PCDHA3: variants seen among roughly 807,000 people sequenced by gnomAD.
The protein encoded by PCDHA3 is protocadherin alpha-3.
Under a neutral mutation model 62.2 loss-of-function variants are expected in PCDHA3, and 41 were observed. The ratio of observed to expected loss-of-function variants is 0.66; its 90% CI spans 0.51 to 0.86. The LOEUF (loss-of-function observed/expected upper bound fraction) is 0.86, where lower values mean the gene tolerates loss of function less well. PCDHA3 is among the 40% of genes least tolerant of loss of function. The pLI, the probability that PCDHA3 is intolerant of heterozygous loss-of-function variation, is 0.00. For missense variants in PCDHA3, 1,304 were observed against 1,241.2 expected (o/e 1.05, Z -0.76); for synonymous variants, 640 against 555.4 (o/e 1.15, Z -2.14).
At position 140,943,102 on chromosome 5, in the gene PCDHA3, A is replaced by G. The variant is rs142380810; in HGVS notation, c.2395-35847A>G. 2.6e-3 allele frequency among the ~76,000 whole-genome samples: 391 copies of G among 151,972 alleles called. 4 individuals are homozygous for G. In the East Asian group the frequency reaches 0.045, roughly 17 times the overall value. ...TGAAATCCTGCCTCTACTAAAAAAT[A>G]CAAAAATTAGCCAGGTGTGGTAGTG... On this transcript the variant is annotated intron_variant, in intron 1 of 3. Transcript: ENST00000522353.
intron 3 of PCDHA3, among the ~76,000 whole-genome samples, chr5:140,997,131 C>G (rs577407385): frequency 6.6e-6 from 1 of 152,008 alleles, no homozygotes; most frequent in Admixed American, 6.6e-5. Flanking sequence ...ACACAATGCC[C>G]CCACACCCCC....
chr5:141,011,876 A>G lies in PCDHA3; in HGVS notation c.*1939A>G, dbSNP rs2098422094. ...AATTTTGTTATAATGTACAATTTAG[A>G]AGTTTGATTAATTATATTATCTATT... On this transcript the variant is annotated 3_prime_UTR_variant, in exon 4 of 4. Coordinates refer to ENST00000522353, the MANE Select transcript of PCDHA3 (RefSeq NM_018906.3). 6.5e-6 allele frequency: 1 copy of G among 153,584 alleles called. No individual in the cohort carries two copies. The highest frequency in any genetic ancestry group is 2.4e-5 in the African/African-American group (1 of 41,298). 9.5% of individuals were successfully genotyped at this position (153,584 alleles called of 1,614,324 possible).
chr5:140,843,094 A>G (rs1268827365), intron 1 of PCDHA3: 2 of 1,595,564 alleles, frequency 1.3e-6, no homozygotes, highest in South Asian at 2.2e-5. Flanking sequence ...GCCACGTGGT[A>G]GCGAAGGTGC....
chr5:140,834,112 T>C, intron 1 of PCDHA3: 1 of 411,244 alleles, frequency 2.4e-6, no homozygotes. Flanking sequence ...AATTCAGAGT[T>C]TGAAATAAAA....
intron 1 of PCDHA3, chr5:140,858,002 G>C (rs782820218): frequency 6.3e-7 from 1 of 1,596,914 alleles, no homozygotes; most frequent in Admixed American, 1.7e-5. Flanking sequence ...GCTGGTGAAG[G>C]ACCATGGCGA....
chr5:140,877,076 T>G, intron 1 of PCDHA3: 1 of 1,613,022 alleles, frequency 6.2e-7, no homozygotes, highest in Non-Finnish European at 8.5e-7. Context: ...CAGTTCCAGG[T>G]GAGCGCGCGC....
chr5:140,851,063 G>T, intron 1 of PCDHA3: 3 of 1,372,672 alleles, frequency 2.2e-6, no homozygotes, highest in Non-Finnish European at 2.9e-6. Flanking sequence ...TTGACTTCTA[G>T]TGAGAATTAT....
chr5:140,851,337 C>G, intron 1 of PCDHA3: 5 of 979,030 alleles, frequency 5.1e-6, no homozygotes, highest in Non-Finnish European at 6.2e-6. Flanking sequence ...TAGTTCTCTA[C>G]ATTTCTCTGG....
chr5:140,807,457 C>A (rs1366050536), intron 1 of PCDHA3: 2 of 1,607,918 alleles, frequency 1.2e-6, no homozygotes, highest in Non-Finnish European at 1.7e-6. Context: ...ATTCTCGGAT[C>A]GACCGGGAGG....
intron 1 of PCDHA3, chr5:140,876,827 C>T (rs1554168978): frequency 6.2e-7 from 1 of 1,614,182 alleles, no homozygotes; most frequent in Admixed American, 1.7e-5. Context: ...AACGACAATG[C>T]GCCTGCGTTC....
At chr5:140,927,882 G>A in intron 1 of PCDHA3, 2 of 1,614,224 alleles carry the variant, frequency 1.2e-6, no homozygotes, top group Non-Finnish European at 1.7e-6. Context: ...TGGTGGAGGT[G>A]ACTGACGTGA....
chr5:140,985,675 T>C (rs1477813786), intron 3 of PCDHA3, among the ~76,000 whole-genome samples: 1 of 151,998 alleles, frequency 6.6e-6, no homozygotes, highest in Non-Finnish European at 1.5e-5. Context: ...AAGTGGGGCC[T>C]GCCTTACGCT....
intron 1 of PCDHA3, among the ~76,000 whole-genome samples, chr5:140,898,648 G>T (rs1436511217): frequency 8.5e-5 from 13 of 152,136 alleles, no homozygotes; most frequent in African/African-American, 3.1e-4. Context: ...TGTTCTTTTG[G>T]CTTAGGATTG....
chr5:140,882,438 C>T (rs782795158), intron 1 of PCDHA3: 5 of 1,614,020 alleles, frequency 3.1e-6, no homozygotes, highest in Non-Finnish European at 4.2e-6. Context: ...CTGGAGCTGG[C>T]GGAGCTGGTG....
At chr5:140,836,222 G>A (rs1366875668) in intron 1 of PCDHA3, 2 of 1,613,676 alleles carry the variant, frequency 1.2e-6, no homozygotes, top group Non-Finnish European at 8.5e-7. Flanking sequence ...AGTTGCAACC[G>A]GTGGCGGCCG....
At position 140,852,582 on chromosome 5, in the gene PCDHA3, A is replaced by ATTT. The variant is rs527656692; in HGVS notation, c.2394+49001_2394+49003dup. The ATTT allele has an allele frequency of 5.4e-4, 378 of 693,802 alleles. 2 individuals carry two copies. The highest frequency in any genetic ancestry group is 7.4e-4 in the Middle Eastern group (1 of 1,344). The allele number at this position is 693,802 out of a possible 1,614,324, so 43.0% of individuals were successfully genotyped here. On this transcript the variant is annotated intron_variant, in intron 1 of 3. Coordinates refer to ENST00000522353, the MANE Select transcript of PCDHA3 (RefSeq NM_018906.3). ...TGAGCCACTGTGCCAAGGCTTTTTTATTTTTTTTTTTTGTCATTTTCTTTC... is the reference window on the plus strand; with the variant it reads ...TGAGCCACTGTGCCAAGGCTTTTTTATTTTTTTTTTTTTTTGTCATTTTCTTTC...
chr5:140,865,458 GA>G (rs1462092731), intron 1 of PCDHA3: 4 of 152,192 alleles, frequency 2.6e-5, no homozygotes, highest in African/African-American at 9.6e-5. Flanking sequence ...TGATTTCTAT[GA>G]AGATAAACAT....
intron 1 of PCDHA3, chr5:140,870,153 C>G (rs537593818): frequency 6.2e-7 from 1 of 1,614,088 alleles, no homozygotes; most frequent in East Asian, 2.2e-5. Flanking sequence ...CTGAAGTCGC[C>G]GTGACTTCCT....
chr5:140,978,633 CA>C (rs2096813426), intron 1 of PCDHA3, among the ~76,000 whole-genome samples: 1 of 152,214 alleles, frequency 6.6e-6, no homozygotes, highest in South Asian at 2.1e-4. Context: ...TTTCCTTTCT[CA>C]AAGCAGACTG....
Sources: gnomAD v4.1 joint callset for allele counts (sites outside exome capture counted in the v4.1 genomes callset) on GRCh38, gnomAD v4.1.1 for gene constraint, MANE v1.5 for transcripts, NCBI Gene and HGNC (gene_info 2026-07-23, HGNC 2026-07-21) for gene names.